ITGBL1: variants seen among roughly 807,000 people sequenced by gnomAD.
The protein encoded by ITGBL1 is integrin beta-like protein 1.
A neutral mutation model predicts 68.5 loss-of-function variants in ITGBL1; 51 were observed. That is an observed-to-expected ratio of 0.74 (90% confidence interval 0.59 to 0.94). The LOEUF (loss-of-function observed/expected upper bound fraction) is 0.94, where lower values mean the gene tolerates loss of function less well. ITGBL1 is among the 40% of genes least tolerant of loss of function. ITGBL1 has a pLI of 0.00. For synonymous variants in ITGBL1, 209 were observed against 227.3 expected (o/e 0.92, Z 0.72); for missense variants, 649 against 647.4 (o/e 1.00, Z -0.03).
At chr13:101,560,146 C>A (rs2050075599) in intron 2 of ITGBL1, among the ~76,000 whole-genome samples, 3 of 152,098 alleles carry the variant, frequency 2.0e-5, no homozygotes, top group Admixed American at 2.0e-4. Flanking sequence ...CTTTCACAAT[C>A]TTTTCTTAGA....
intron 7 of ITGBL1, among the ~76,000 whole-genome samples, chr13:101,676,546 C>T (rs2033507678): frequency 6.6e-6 from 1 of 152,088 alleles, no homozygotes; most frequent in African/African-American, 2.4e-5. Context: ...GCATTTCAAC[C>T]TCTTGCCCCA....
chr13:101,686,300 G>T (rs932060772), intron 7 of ITGBL1, among the ~76,000 whole-genome samples: 1 of 151,932 alleles, frequency 6.6e-6, no homozygotes, highest in Non-Finnish European at 1.5e-5. Context: ...AGCTGCCTTT[G>T]AGGTTTAGTC....
At position 101,715,589 on chromosome 13, in the gene ITGBL1, T is replaced by A; in HGVS notation, c.1420T>A (p.Cys474Ser). The stretch of plus-strand genomic sequence containing the variant: ...GAATGGAATATGTAGCTGTGGAAAC[T>A]GTGAATGCTGGGATGGATGGAATGG... ...TGNGICSCGN[C>S]ECWDGWNGNA... Residue 474 changes from cysteine (C) to serine (S), a missense_variant, in exon 11 of 11, where the codon TGT becomes AGT. Coordinates refer to ENST00000376180, the MANE Select transcript of ITGBL1 (RefSeq NM_004791.3). 6.2e-7 allele frequency: 1 copy of A among 1,613,232 alleles called. No individual in the cohort carries two copies.
chr13:101,566,347 T>G (rs2050183167), intron 2 of ITGBL1, among the ~76,000 whole-genome samples: 1 of 152,160 alleles, frequency 6.6e-6, no homozygotes, highest in Non-Finnish European at 1.5e-5. Flanking sequence ...AGATCACTTA[T>G]GCTTAAAAAT....
chr13:101,610,500 C>T (rs1421833802), intron 7 of ITGBL1, among the ~76,000 whole-genome samples: 3 of 152,144 alleles, frequency 2.0e-5, no homozygotes, highest in Non-Finnish European at 2.9e-5. Context: ...TTTTCATAAA[C>T]GATGTTGCTT....
chr13:101,696,420 GTC>G (rs2034003275), intron 8 of ITGBL1, among the ~76,000 whole-genome samples: 1 of 152,174 alleles, frequency 6.6e-6, no homozygotes, highest in South Asian at 2.1e-4. Context: ...TTGACCAGTT[GTC>G]TCCATTTCTT....
At chr13:101,589,230 G>A (rs1420180580) in intron 6 of ITGBL1, among the ~76,000 whole-genome samples, 1 of 152,094 alleles carries the variant, frequency 6.6e-6, no homozygotes, top group Non-Finnish European at 1.5e-5. Context: ...ATTATGGTAG[G>A]CTAGAATTAT....
intron 5 of ITGBL1, 63 bp downstream of exon 5, chr13:101,579,490 CTTCTT>C (rs2050420057): frequency 2.6e-6 from 4 of 1,523,410 alleles, no homozygotes; most frequent in Non-Finnish European, 3.6e-6. Context: ...ATTGTTAACA[CTTCTT>C]TTCTTTGTAT....
chr13:101,531,360 A>G (rs538621753), intron 2 of ITGBL1, among the ~76,000 whole-genome samples: 2 of 152,160 alleles, frequency 1.3e-5, no homozygotes, highest in Admixed American at 6.6e-5. Flanking sequence ...AGTTTTTGCT[A>G]ATCATTAATA....
intron 2 of ITGBL1, among the ~76,000 whole-genome samples, chr13:101,564,505 T>A (rs1594893053): frequency 6.6e-6 from 1 of 151,328 alleles, no homozygotes; most frequent in Admixed American, 6.6e-5. Flanking sequence ...TATATATGTA[T>A]ATACAACAAT....
chr13:101,708,993 T>C (rs558839810), intron 9 of ITGBL1, among the ~76,000 whole-genome samples: 17 of 152,320 alleles, frequency 1.1e-4, no homozygotes, highest in African/African-American at 3.8e-4. Context: ...GAATTCAAGC[T>C]GTGTTGGGAC....
chr13:101,575,034 G>T (rs923813010), intron 3 of ITGBL1, among the ~76,000 whole-genome samples: 2 of 152,008 alleles, frequency 1.3e-5, no homozygotes, highest in East Asian at 3.9e-4. Context: ...ATAAATACTG[G>T]TGAGGAAGAT....
chr13:101,672,786 G>A (rs554068731), intron 7 of ITGBL1, among the ~76,000 whole-genome samples: 10 of 152,030 alleles, frequency 6.6e-5, no homozygotes, highest in South Asian at 2.1e-4. Context: ...TAAACTTTCC[G>A]CTCCTTAACC....
chr13:101,567,973 G>A (rs754352487), intron 3 of ITGBL1, 128 bp downstream of exon 3: 3 of 707,906 alleles, frequency 4.2e-6, no homozygotes, highest in Non-Finnish European at 6.7e-6. Context: ...TTTTAGAAGT[G>A]AAATTCAGAT....
At chr13:101,540,736 G>C (rs906326421) in intron 2 of ITGBL1, among the ~76,000 whole-genome samples, 1 of 152,002 alleles carries the variant, frequency 6.6e-6, no homozygotes, top group African/African-American at 2.4e-5. Context: ...TCATTGAGCA[G>C]TGGTTTGTAG....
chr13:101,575,392 A>G, intron 3 of ITGBL1, 32 bp from the exon 4 acceptor site: 1 of 1,602,684 alleles, frequency 6.2e-7, no homozygotes, highest in Non-Finnish European at 8.5e-7. Context: ...ATGTGCATGT[A>G]ACAAACAGTC....
chr13:101,523,160 C>T (rs962699405), intron 2 of ITGBL1, among the ~76,000 whole-genome samples: 2 of 152,092 alleles, frequency 1.3e-5, no homozygotes, highest in Non-Finnish European at 2.9e-5. Flanking sequence ...CTCCATTTGT[C>T]CTTGAAATAA....
rs1298257111 is a variant in ITGBL1, at chr13:101,604,877, T to TAC, written c.1015+6579_1015+6580insCA. 6.8e-3 allele frequency among the ~76,000 whole-genome samples: 147 copies of TAC among 21,676 alleles called. 1 individual carries two copies. The highest frequency in any genetic ancestry group is 0.031 in the East Asian group (11 of 360). The allele number at this position is 21,676 out of a possible 152,430, so 14.2% of individuals were successfully genotyped here. On this transcript the variant is annotated intron_variant, in intron 7 of 10. Coordinates refer to ENST00000376180, the MANE Select transcript of ITGBL1 (RefSeq NM_004791.3). ...ATATATATATATATATATATATATA[T>TAC]ATATATATATACACACACACACACA...
At chr13:101,708,198 A>G (rs928814679) in intron 9 of ITGBL1, among the ~76,000 whole-genome samples, 1 of 152,176 alleles carries the variant, frequency 6.6e-6, no homozygotes, top group Non-Finnish European at 1.5e-5. Context: ...TGTAATGCAT[A>G]TGGCATCATC....
Sources: allele counts gnomAD v4.1 joint callset (sites outside exome capture counted in the v4.1 genomes callset), GRCh38; gene constraint gnomAD v4.1.1; transcripts MANE v1.5; gene names NCBI Gene and HGNC (gene_info 2026-07-23, HGNC 2026-07-21).